Variants in VPS13D observed in about 807,000 individuals in gnomAD.
The protein encoded by VPS13D is vacuolar protein sorting 13 homolog D.
VPS13D carries 187 observed loss-of-function variants against 461.9 expected under a neutral mutation model. That is an observed-to-expected ratio of 0.40 (90% CI 0.36 to 0.46). The LOEUF (loss-of-function observed/expected upper bound fraction) is 0.46, where lower values mean the gene tolerates loss of function less well. Among genes scored for constraint, VPS13D ranks in the 20% least tolerant of loss-of-function variants. The pLI is 0.60. For synonymous variants in VPS13D, 1,951 were observed against 1,986.3 expected (o/e 0.98, Z 0.47); for missense variants, 4,711 against 5,364.9 (o/e 0.88, Z 3.81).
At chr1:12,242,464 C>G (rs1640410958) in intron 2 of VPS13D, 49 bp from the exon 3 acceptor site, 1 of 1,525,416 alleles carries the variant, frequency 6.6e-7, no homozygotes, top group Admixed American at 1.7e-5. Flanking sequence ...AGTAGGTGGC[C>G]TACTGTATTT....
chr1:12,277,222 G>A lies in VPS13D; in HGVS notation c.3634G>A (p.Asp1212Asn). 1 of 1,614,210 alleles carries A rather than the reference G, an allele frequency of 6.2e-7. No individual in the cohort carries two copies. The highest frequency in any genetic ancestry group is 1.1e-5 in the South Asian group (1 of 91,072). The change falls in exon 19 of 70, where the codon GAC becomes AAC. Residue 1212 changes from aspartate (D) to asparagine (N), a missense_variant. Asp to Asn is a conservative substitution (Grantham distance 23). This residue lies in a region of VPS13D where 4,411 missense variants were observed against 4,937.8 expected (regional missense o/e 0.89). Transcript: ENST00000620676. ...KVNVSMGSTF[D>N]MNGSLGCLQL... ...TAATGTCTCAATGGGTAGCACGTTT[G>A]ACATGAATGGTTCTCTTGGCTGTTT...
intron 68 of VPS13D, chr1:12,500,126 C>T: frequency 2.0e-6 from 2 of 985,316 alleles, no homozygotes; most frequent in South Asian, 9.4e-5. Context: ...GTCCCCAGTG[C>T]CTTGGTGACT....
At chr1:12,281,794 G>T (rs1476433844) in intron 20 of VPS13D, among the ~76,000 whole-genome samples, 1 of 151,992 alleles carries the variant, frequency 6.6e-6, no homozygotes, top group Non-Finnish European at 1.5e-5. Context: ...TTACAAAATG[G>T]TCACTTTTTC....
At position 12,386,294 on chromosome 1, in the gene VPS13D, C is replaced by T. The variant is rs1374394316; in HGVS notation, c.11594C>T (p.Ala3865Val). 7 of 1,612,016 alleles carry T rather than the reference C, an allele frequency of 4.3e-6. No individual in the cohort carries two copies. The highest frequency in any genetic ancestry group is 2.7e-5 in the African/African-American group (2 of 74,798). ...ATCAATGTGCACTATACACAGCTGG[C>T]AACCAGTCACATGCTTGAACTCAGC... ...TGINVHYTQLATSHMLELSIQ... is the reference protein window; with the variant it reads ...TGINVHYTQLVTSHMLELSIQ... The change falls in exon 60 of 70, where the codon GCA becomes GTA. Residue 3865 changes from alanine (A) to valine (V), a missense_variant. Physicochemically the swap from Ala to Val is moderately conservative, Grantham distance 64. This residue lies in a region of VPS13D where 4,411 missense variants were observed against 4,937.8 expected (regional missense o/e 0.89). Coordinates refer to ENST00000620676, the MANE Select transcript of VPS13D (RefSeq NM_015378.4).
At chr1:12,411,392 G>C (rs191606412) in intron 63 of VPS13D, among the ~76,000 whole-genome samples, 24 of 152,114 alleles carry the variant, frequency 1.6e-4, no homozygotes, top group Admixed American at 1.2e-3. Context: ...CAGCACTTTG[G>C]GAGGCCTAGG....
chr1:12,354,403 A>T (rs187998379), intron 47 of VPS13D, among the ~76,000 whole-genome samples, 182 bp downstream of exon 47: 5 of 152,150 alleles, frequency 3.3e-5, no homozygotes, highest in Non-Finnish European at 5.9e-5. Flanking sequence ...TGGCGGCAGT[A>T]CATGCCTGTA....
rs961958297 is a variant in VPS13D at position 12,510,551 on chromosome 1, G to C, written c.*1527G>C. 1 of 153,150 alleles carries C rather than the reference G, an allele frequency of 6.5e-6. No individual in the cohort carries two copies. The highest frequency in any genetic ancestry group is 1.4e-5 in the Non-Finnish European group (1 of 69,552). 9.5% of individuals were successfully genotyped at this position (153,150 alleles called of 1,614,324 possible). On this transcript the variant is annotated 3_prime_UTR_variant, in exon 70 of 70. Coordinates refer to ENST00000620676, the MANE Select transcript of VPS13D (RefSeq NM_015378.4). ...TGTGTGTGTGTGTGTGTGTGTGTGT[G>C]TGTGCGCGCGCGCGCGTGCATGCAG...
At chr1:12,327,081 A>G (rs913746273) in intron 35 of VPS13D, among the ~76,000 whole-genome samples, 24 of 152,330 alleles carry the variant, frequency 1.6e-4, no homozygotes, top group African/African-American at 4.8e-4. Flanking sequence ...AGAACTTTCC[A>G]TGTACTCATT....
intron 67 of VPS13D, among the ~76,000 whole-genome samples, chr1:12,493,653 T>G (rs748511357): frequency 7.9e-5 from 12 of 152,186 alleles, no homozygotes; most frequent in Non-Finnish European, 1.3e-4. Context: ...GAACGTACAG[T>G]GTCACATCAA....
chr1:12,467,180 A>T (rs1645495805), intron 67 of VPS13D, among the ~76,000 whole-genome samples: 2 of 151,680 alleles, frequency 1.3e-5, no homozygotes, highest in South Asian at 2.1e-4. Context: ...ATTTTATTTT[A>T]TTTTTTTTCA....
chr1:12,399,800 C>T (rs904243262), intron 60 of VPS13D, among the ~76,000 whole-genome samples: 5 of 151,930 alleles, frequency 3.3e-5, no homozygotes, highest in Non-Finnish European at 7.4e-5. Context: ...ACCTGGGCAA[C>T]AAGAGTGAAA....
At chr1:12,273,297 A>G (rs1005618474) in intron 18 of VPS13D, among the ~76,000 whole-genome samples, 162 bp downstream of exon 18, 1 of 152,242 alleles carries the variant, frequency 6.6e-6, no homozygotes, top group African/African-American at 2.4e-5. Flanking sequence ...TGAAATAATG[A>G]AAACATATCT....
chr1:12,302,832 CT>C (rs60602915), intron 25 of VPS13D, among the ~76,000 whole-genome samples: 11,013 of 121,076 alleles, frequency 0.091, 486 homozygotes, highest in Admixed American at 0.15. Context: ...AAAAGAATTC[CT>C]TTTTTTTTTT....
intron 27 of VPS13D, among the ~76,000 whole-genome samples, chr1:12,310,914 T>TCCTTCCCTCCTTCCCG: frequency 7.0e-6 from 1 of 143,566 alleles, no homozygotes; most frequent in Non-Finnish European, 1.5e-5. Context: ...CCTCCTTCCC[T>TCCTTCCCTCCTTCCCG]CCCTCTCTCC....
chr1:12,260,015 CTTTTTTTTTTT>C (rs70987243), intron 10 of VPS13D, among the ~76,000 whole-genome samples: 4 of 72,814 alleles, frequency 5.5e-5, no homozygotes, highest in South Asian at 1.4e-3. Flanking sequence ...GCTTTAGTGA[CTTTTTTTTTTT>C]TTTTTTTTTT....
At chr1:12,270,930 T>C in intron 16 of VPS13D, 64 bp from the exon 17 acceptor site, 1 of 1,590,222 alleles carries the variant, frequency 6.3e-7, no homozygotes, top group South Asian at 1.1e-5. Flanking sequence ...AGAATTGATG[T>C]AGCACTTTTG....
intron 21 of VPS13D, among the ~76,000 whole-genome samples, chr1:12,285,209 A>G (rs12564458): frequency 0.021 from 3,121 of 152,244 alleles, 152 homozygotes; most frequent in Admixed American, 0.12. Context: ...GCCCAGTCCT[A>G]TAATTCATCA....
rs1641504904 is a variant in VPS13D at position 12,273,155 on chromosome 1, T to C, written c.2236+20T>C. The C allele has an allele frequency of 6.2e-7, 1 of 1,610,186 alleles. No homozygotes were observed. The highest frequency in any genetic ancestry group is 1.1e-5 in the South Asian group (1 of 90,386). Reference sequence around the variant, plus strand: ...CCCAAGGTATAGTGTGAGTGGGAAATAATGAAAACCTGCCTTGGTAGATGG... The same window carrying C: ...CCCAAGGTATAGTGTGAGTGGGAAACAATGAAAACCTGCCTTGGTAGATGG... On this transcript the variant is annotated intron_variant, in intron 18 of 69. Transcript: ENST00000620676.
At chr1:12,336,961 C>T (rs915511537) in intron 39 of VPS13D, 1 of 152,192 alleles carries the variant, frequency 6.6e-6, no homozygotes, top group African/African-American at 2.4e-5. Flanking sequence ...AATTCAGAGT[C>T]AAACTCTAGC....
Sources: allele counts gnomAD v4.1 joint callset (sites outside exome capture counted in the v4.1 genomes callset), GRCh38; gene constraint gnomAD v4.1.1; regional missense constraint gnomAD v4.1.1; transcripts MANE v1.5; gene names NCBI Gene and HGNC (gene_info 2026-07-23, HGNC 2026-07-21).